Variants in SLC35D4 observed in about 807,000 individuals in gnomAD.
SLC35D4 encodes UDP-N-acetylglucosamine transporter SLC35D4.
the SLC35D4 span, among the ~76,000 whole-genome samples, chr18:23,378,588 G>C: frequency 2.0e-5 from 3 of 152,226 alleles, no homozygotes; most frequent in Admixed American, 1.3e-4. Flanking sequence ...TGATGAGTCA[G>C]TTTAATGAAA....
chr18:23,257,212 T>C, the SLC35D4 span: 3 of 1,603,460 alleles, frequency 1.9e-6, no homozygotes, highest in East Asian at 4.5e-5. Context: ...GCTTTTGATT[T>C]TCTTTTTGTT....
the SLC35D4 span, among the ~76,000 whole-genome samples, chr18:23,267,898 C>G: frequency 6.6e-6 from 1 of 152,198 alleles, no homozygotes; most frequent in Non-Finnish European, 1.5e-5. Flanking sequence ...ACACAACATC[C>G]CATGGTTTCA....
the SLC35D4 span, among the ~76,000 whole-genome samples, chr18:23,287,158 T>G: frequency 1.3e-5 from 2 of 152,168 alleles, no homozygotes; most frequent in African/African-American, 4.8e-5. Flanking sequence ...TTACCTGTCC[T>G]AAAACCAGAC....
the SLC35D4 span, chr18:23,352,160 C>T: frequency 6.4e-7 from 1 of 1,568,114 alleles, no homozygotes; most frequent in East Asian, 2.3e-5. Flanking sequence ...TACACAGGCT[C>T]TTGAGAGAGA....
At chr18:23,283,584 C>T in the SLC35D4 span, among the ~76,000 whole-genome samples, 39 of 151,350 alleles carry the variant, frequency 2.6e-4, no homozygotes, top group Non-Finnish European at 5.0e-4. Context: ...CTGAGGTGGG[C>T]GGATCACCTG....
the SLC35D4 span, chr18:23,437,952 G>GC: frequency 7.5e-7 from 1 of 1,328,160 alleles, no homozygotes; most frequent in East Asian, 2.6e-5. Context: ...GGCAGCAGCC[G>GC]CCCAGAGACG....
At chr18:23,252,127 A>G in the SLC35D4 span, among the ~76,000 whole-genome samples, 1 of 152,046 alleles carries the variant, frequency 6.6e-6, no homozygotes, top group Non-Finnish European at 1.5e-5. Context: ...AAATAAGCCT[A>G]TGACAAAAGG....
At chr18:23,327,456 T>C in the SLC35D4 span, among the ~76,000 whole-genome samples, 7 of 151,976 alleles carry the variant, frequency 4.6e-5, no homozygotes, top group Admixed American at 2.6e-4. Flanking sequence ...CTAGAAGAAA[T>C]GGATAAATTC....
the SLC35D4 span, among the ~76,000 whole-genome samples, chr18:23,249,598 C>T: frequency 6.6e-6 from 1 of 152,192 alleles, no homozygotes; most frequent in East Asian, 1.9e-4. Context: ...GCGTCTTTTA[C>T]GTACGTTTTG....
the SLC35D4 span, among the ~76,000 whole-genome samples, chr18:23,248,531 TTTTTTTTAA>T: frequency 0.01 from 1,427 of 139,706 alleles, 27 homozygotes; most frequent in East Asian, 0.034. Context: ...TTTTTTTTTT[TTTTTTTTAA>T]AAAAAGGCTG....
chr18:23,303,699 G>A, the SLC35D4 span, among the ~76,000 whole-genome samples: 3 of 152,246 alleles, frequency 2.0e-5, no homozygotes, highest in Admixed American at 6.5e-5. Flanking sequence ...CCAGGAGTTC[G>A]AGACCAGCCT....
At chr18:23,437,945 A>G in the SLC35D4 span, 4 of 1,402,876 alleles carry the variant, frequency 2.9e-6, no homozygotes, top group African/African-American at 2.9e-5. Context: ...CGGCAGCGGC[A>G]GCAGCCGCCC....
At chr18:23,310,043 G>A in the SLC35D4 span, among the ~76,000 whole-genome samples, 4 of 152,280 alleles carry the variant, frequency 2.6e-5, no homozygotes, top group Admixed American at 1.3e-4. Flanking sequence ...AGCCAAGGCC[G>A]CCCTCATCTC....
At chr18:23,358,829 C>T in the SLC35D4 span, among the ~76,000 whole-genome samples, 1 of 152,192 alleles carries the variant, frequency 6.6e-6, no homozygotes, top group Non-Finnish European at 1.5e-5. Flanking sequence ...CAATTTCAAG[C>T]TGACCTCAAA....
the SLC35D4 span, among the ~76,000 whole-genome samples, chr18:23,381,597 C>A: frequency 3.9e-5 from 6 of 152,126 alleles, no homozygotes; most frequent in African/African-American, 1.4e-4. Context: ...ACAACAACAA[C>A]AAATTACCCA....
the SLC35D4 span, among the ~76,000 whole-genome samples, chr18:23,427,464 A>G: frequency 6.6e-6 from 1 of 152,098 alleles, no homozygotes; most frequent in Admixed American, 6.6e-5. Context: ...CAAAACCACA[A>G]TGAGATACCA....
chr18:23,333,593 G>A, the SLC35D4 span, among the ~76,000 whole-genome samples: 2 of 152,192 alleles, frequency 1.3e-5, no homozygotes, highest in Non-Finnish European at 2.9e-5. Context: ...GATCAACACT[G>A]CTCCCAGTGA....
the SLC35D4 span, among the ~76,000 whole-genome samples, chr18:23,371,926 G>GTTTTTTTTT: frequency 1.7e-3 from 20 of 11,854 alleles, 2 homozygotes; most frequent in Admixed American, 4.5e-3. Context: ...TTTCTTCCTT[G>GTTTTTTTTT]TTTTTTTTGT....
chr18:23,311,215 G>A, the SLC35D4 span, among the ~76,000 whole-genome samples: 303 of 151,156 alleles, frequency 2.0e-3, 5 homozygotes, highest in East Asian at 0.05. Context: ...CACTCCTCCC[G>A]AGTAGCTGGG....
Sources: allele counts gnomAD v4.1 joint callset (sites outside exome capture counted in the v4.1 genomes callset), GRCh38; gene constraint gnomAD v4.1.1; transcripts MANE v1.5; gene names NCBI Gene and HGNC (gene_info 2026-07-23, HGNC 2026-07-21).